Variants in PRKN observed in about 807,000 individuals in gnomAD.
The protein encoded by PRKN is parkin RBR E3 ubiquitin protein ligase.
A neutral mutation model predicts 59.5 loss-of-function variants in PRKN; 56 were observed. That is an observed-to-expected ratio of 0.94 (90% confidence interval 0.76 to 1.18). PRKN has a LOEUF of 1.18. Among genes scored for constraint, PRKN ranks in the 50% most tolerant of loss-of-function variants. The pLI is 0.00. For missense variants in PRKN, 657 were observed against 596.4 expected (o/e 1.10, Z -1.06); for synonymous variants, 250 against 222.1 (o/e 1.13, Z -1.12).
At chr6:161,753,705 G>C (rs1177220061) in intron 7 of PRKN, among the ~76,000 whole-genome samples, 3 of 152,186 alleles carry the variant, frequency 2.0e-5, no homozygotes, top group African/African-American at 7.2e-5. Context: ...CCCAATGGGG[G>C]CGGGGGGGCT....
chr6:162,313,624 A>T, intron 2 of PRKN, among the ~76,000 whole-genome samples: 1 of 152,016 alleles, frequency 6.6e-6, no homozygotes, highest in Non-Finnish European at 1.5e-5. Flanking sequence ...AGTAGCTGGG[A>T]TTACAGGCGC....
intron 9 of PRKN, among the ~76,000 whole-genome samples, chr6:161,412,016 T>TTCCTCCACTCAC (rs1562430147): frequency 1.5e-5 from 2 of 137,274 alleles, no homozygotes; most frequent in South Asian, 2.5e-4. Context: ...CCTCCACTCA[T>TTCCTCCACTCAC]TCATTCACTC....
intron 3 of PRKN, among the ~76,000 whole-genome samples, chr6:162,209,084 C>T (rs1211242998): frequency 6.6e-6 from 1 of 152,102 alleles, no homozygotes; most frequent in Admixed American, 6.5e-5. Context: ...CAACAAAAGC[C>T]AAAATTGACA....
intron 9 of PRKN, among the ~76,000 whole-genome samples, chr6:161,505,719 G>A (rs75642111): frequency 0.015 from 1,152 of 76,246 alleles, no homozygotes; most frequent in Middle Eastern, 0.017. Flanking sequence ...GTAAGGAAGG[G>A]ATCCAGTTTC....
At chr6:162,475,263 T>C (rs982994266) in intron 1 of PRKN, among the ~76,000 whole-genome samples, 3 of 152,190 alleles carry the variant, frequency 2.0e-5, no homozygotes, top group Admixed American at 6.5e-5. Flanking sequence ...AAGGCACCCA[T>C]TCATTATTTA....
chr6:162,386,081 T>C (rs1368451222), intron 2 of PRKN, among the ~76,000 whole-genome samples: 5 of 152,176 alleles, frequency 3.3e-5, no homozygotes, highest in Non-Finnish European at 5.9e-5. Flanking sequence ...TACATATAAA[T>C]ATAGAGTCAA....
chr6:161,690,794 T>C (rs1412817095), intron 7 of PRKN, among the ~76,000 whole-genome samples: 2 of 152,156 alleles, frequency 1.3e-5, no homozygotes, highest in African/African-American at 4.8e-5. Flanking sequence ...ATGCACACCA[T>C]TGGCTCTCCA....
At position 161,576,301 on chromosome 6, in the gene PRKN, A is replaced by T. The variant is rs1426256985; in HGVS notation, c.872-6885T>A. On this transcript the variant is annotated intron_variant, in intron 7 of 11. Transcript: ENST00000366898. This position sits in a 1 kb window ranked among gnomAD's most constrained non-coding sequence, Gnocchi z 4.6. ...GATTATTCATGCATTCTTTCTCCGT[A>T]GCCAATACTTGCTGTCTCAAGATAT... 6.6e-6 allele frequency among the ~76,000 whole-genome samples: 1 copy of T among 152,222 alleles called. No individual in the cohort carries two copies. Among genetic ancestry groups the T allele is most frequent in the Non-Finnish European group, 1.5e-5 (1 of 68,044 alleles).
At position 161,348,404 on chromosome 6, in the gene PRKN, C is replaced by T. The variant is rs77283740; in HGVS notation, c.*1695G>A. ...CTTCCTGTCACAGGTCTGTTGTCAC[C>T]GTGGGGCCATGTTGGAGTCGGTAGA... is the stretch of plus-strand genomic sequence containing the variant. On this transcript the variant is annotated 3_prime_UTR_variant, in exon 12 of 12. Coordinates refer to ENST00000366898, the MANE Select transcript of PRKN (RefSeq NM_004562.3). The surrounding 1 kb of genome is among the most constrained non-coding windows in gnomAD (Gnocchi z 4.9). 2,898 of 222,950 alleles carry T rather than the reference C, an allele frequency of 0.013. 47 individuals are homozygous for T. Among genetic ancestry groups the T allele is most frequent in the African/African-American group, 0.043 (1,932 of 44,702 alleles). The allele number at this position is 222,950 out of a possible 1,614,324, so 13.8% of individuals were successfully genotyped here. A position where few individuals can be genotyped will look rare whatever the true frequency, so the allele number is the denominator to read the frequency against.
At chr6:162,200,257 C>T (rs1464469763) in intron 4 of PRKN, among the ~76,000 whole-genome samples, 2 of 152,144 alleles carry the variant, frequency 1.3e-5, no homozygotes, top group Non-Finnish European at 2.9e-5. Flanking sequence ...ATTGCAACCA[C>T]ATCACATCCA....
chr6:162,642,367 T>C (rs942356341), intron 1 of PRKN, among the ~76,000 whole-genome samples: 1 of 152,224 alleles, frequency 6.6e-6, no homozygotes, highest in African/African-American at 2.4e-5. Flanking sequence ...GTTCTTATAA[T>C]GTTCTATCTT....
chr6:161,663,820 G>A (rs546807643), intron 7 of PRKN, among the ~76,000 whole-genome samples: 5 of 152,078 alleles, frequency 3.3e-5, no homozygotes, highest in Admixed American at 6.5e-5. Context: ...CCCAACAGCC[G>A]GCCCTGTGGT....
At chr6:161,368,665 C>T (rs887341583) in intron 10 of PRKN, among the ~76,000 whole-genome samples, 10 of 151,394 alleles carry the variant, frequency 6.6e-5, no homozygotes, top group Non-Finnish European at 4.4e-5. Flanking sequence ...GCTCACCTGC[C>T]CTCCACTTGC....
chr6:161,466,181 C>T lies in PRKN; in HGVS notation c.1084-79304G>A, dbSNP rs905554910. ...TCACCATGCTGTACATTAGATCCCCCTGTGTTTCTATTTGAACAGTTTATA... is the reference window on the plus strand; with the variant it reads ...TCACCATGCTGTACATTAGATCCCCTTGTGTTTCTATTTGAACAGTTTATA... On this transcript the variant is annotated intron_variant, in intron 9 of 11. Coordinates refer to ENST00000366898, the MANE Select transcript of PRKN (RefSeq NM_004562.3). The surrounding 1 kb of genome is among the most constrained non-coding windows in gnomAD (Gnocchi z 5.0). 6.6e-6 allele frequency among the ~76,000 whole-genome samples: 1 copy of T among 152,118 alleles called. No individual in the cohort carries two copies. Among genetic ancestry groups the T allele is most frequent in the South Asian group, 2.1e-4 (1 of 4,830 alleles).
chr6:162,114,415 C>T (rs1482657815), intron 4 of PRKN, among the ~76,000 whole-genome samples: 65 of 150,582 alleles, frequency 4.3e-4, no homozygotes, highest in Admixed American at 3.3e-4. Flanking sequence ...TAGTTCTCCT[C>T]GAAGAGGTCC....
intron 6 of PRKN, among the ~76,000 whole-genome samples, chr6:161,877,763 C>G (rs939846817): frequency 6.6e-6 from 1 of 152,044 alleles, no homozygotes; most frequent in African/African-American, 2.4e-5. Flanking sequence ...CCACCACGCC[C>G]GGCCCATATT....
At chr6:162,330,503 G>T (rs1783521528) in intron 2 of PRKN, among the ~76,000 whole-genome samples, 1 of 152,256 alleles carries the variant, frequency 6.6e-6, no homozygotes, top group Admixed American at 6.5e-5. Flanking sequence ...CAACTATAAA[G>T]GCTGAAACTG....
chr6:162,264,887 G>C (rs952756102), intron 2 of PRKN: 1 of 151,982 alleles, frequency 6.6e-6, no homozygotes, highest in South Asian at 2.1e-4. Flanking sequence ...CTTTGACATC[G>C]GCAAGGCACC....
At chr6:161,835,658 TG>T (rs1454632516) in intron 6 of PRKN, among the ~76,000 whole-genome samples, 1 of 152,132 alleles carries the variant, frequency 6.6e-6, no homozygotes, top group Non-Finnish European at 1.5e-5. Context: ...TGGGGAGGGT[TG>T]GGGAGGGGCT....
Sources: gnomAD v4.1 joint callset for allele counts (sites outside exome capture counted in the v4.1 genomes callset) on GRCh38, gnomAD v4.1.1 for gene constraint, Gnocchi (gnomAD v3.1) non-coding constraint, MANE v1.5 for transcripts, NCBI Gene and HGNC (gene_info 2026-07-23, HGNC 2026-07-21) for gene names.